The following WDPCP variants were observed in gnomAD, a reference collection of about 807,000 sequenced individuals.
The protein encoded by WDPCP is WD repeat-containing and planar cell polarity effector protein fritz homolog.
A neutral mutation model predicts 93.1 loss-of-function variants in WDPCP; 71 were observed. The observed-to-expected ratio is 0.76, with a 90% CI of 0.63 to 0.93. WDPCP has a LOEUF of 0.93. Among genes scored for constraint, WDPCP ranks in the 40% least tolerant of loss-of-function variants. The probability of loss-of-function intolerance (pLI) is 0.00; values close to 1 mark genes in which losing one functional copy is unlikely to be tolerated. For synonymous variants in WDPCP, 315 were observed against 315.0 expected (o/e 1.00, Z 0.00); for missense variants, 844 against 887.4 (o/e 0.95, Z 0.62).
At chr2:63,582,036 T>G (rs1708532640) in intron 1 of WDPCP, among the ~76,000 whole-genome samples, 1 of 151,186 alleles carries the variant, frequency 6.6e-6, no homozygotes, top group African/African-American at 2.4e-5. Context: ...AATCTGACAT[T>G]TAATAAAAAA....
At chr2:63,460,970 T>C (rs1698969590) in intron 6 of WDPCP, among the ~76,000 whole-genome samples, 1 of 152,136 alleles carries the variant, frequency 6.6e-6, no homozygotes. Context: ...CATGATGTTC[T>C]AAAACCACAA....
At chr2:63,371,508 T>C (rs898869336) in intron 12 of WDPCP, among the ~76,000 whole-genome samples, 2 of 152,168 alleles carry the variant, frequency 1.3e-5, no homozygotes, top group African/African-American at 4.8e-5. Context: ...TACAAAGTCC[T>C]GTATGACCTG....
chr2:63,815,491 T>G (rs1168749491), intron 1 of WDPCP, among the ~76,000 whole-genome samples: 1 of 152,240 alleles, frequency 6.6e-6, no homozygotes, highest in Non-Finnish European at 1.5e-5. Context: ...GAAACACTTG[T>G]AAGATTAAGA....
At chr2:63,425,560 C>A (rs1007188415) in intron 9 of WDPCP, among the ~76,000 whole-genome samples, 37 of 152,264 alleles carry the variant, frequency 2.4e-4, no homozygotes, top group African/African-American at 8.2e-4. Context: ...CTGAAAAATT[C>A]ACTACAAGAA....
At chr2:63,343,589 C>G (rs1203950598) in intron 12 of WDPCP, among the ~76,000 whole-genome samples, 1 of 152,134 alleles carries the variant, frequency 6.6e-6, no homozygotes, top group East Asian at 1.9e-4. Flanking sequence ...TGTCTTCAAT[C>G]AAATTTGGGA....
intron 1 of WDPCP, among the ~76,000 whole-genome samples, chr2:63,556,446 T>G (rs1233781563): frequency 6.6e-6 from 1 of 152,180 alleles, no homozygotes; most frequent in Non-Finnish European, 1.5e-5. Flanking sequence ...TCCAGGAGAA[T>G]GTCCCCAAAC....
At chr2:63,543,085 A>G (rs1704866815) in intron 1 of WDPCP, among the ~76,000 whole-genome samples, 1 of 152,156 alleles carries the variant, frequency 6.6e-6, no homozygotes, top group Non-Finnish European at 1.5e-5. Context: ...ATAAATCTAG[A>G]TTTCCAAAAA....
chr2:63,616,102 A>AT, intron 3 of WDPCP, among the ~76,000 whole-genome samples: 1 of 152,216 alleles, frequency 6.6e-6, no homozygotes, highest in African/African-American at 2.4e-5. Context: ...AACATACTAT[A>AT]AATAACACAC....
intron 2 of WDPCP, among the ~76,000 whole-genome samples, chr2:63,665,627 C>A (rs1383647134): frequency 8.5e-5 from 13 of 152,094 alleles, no homozygotes; most frequent in African/African-American, 3.1e-4. Context: ...TGGTCAACTG[C>A]ACAAATGTGA....
intron 15 of WDPCP, among the ~76,000 whole-genome samples, chr2:63,168,253 T>G (rs1004966215): frequency 6.6e-6 from 1 of 152,136 alleles, no homozygotes; most frequent in Non-Finnish European, 1.5e-5. Flanking sequence ...AAGTGTTTTA[T>G]CTATGTGAAA....
chr2:63,698,427 A>C (rs1668992631), intron 2 of WDPCP, among the ~76,000 whole-genome samples: 1 of 152,190 alleles, frequency 6.6e-6, no homozygotes, highest in Non-Finnish European at 1.5e-5. Context: ...AAACTCATTA[A>C]TGCGTAAACT....
intron 13 of WDPCP, among the ~76,000 whole-genome samples, chr2:63,271,791 C>T (rs1398637508): frequency 1.3e-5 from 2 of 152,136 alleles, no homozygotes; most frequent in Non-Finnish European, 2.9e-5. Flanking sequence ...AGCATGACAT[C>T]AGGCCCACCC....
intron 3 of WDPCP, among the ~76,000 whole-genome samples, chr2:63,627,667 G>A (rs1709823742): frequency 1.3e-5 from 2 of 152,172 alleles, no homozygotes; most frequent in South Asian, 4.1e-4. Flanking sequence ...CTTGACAGTG[G>A]GACTTCGGAG....
chr2:63,402,757 T>C (rs1261286065), intron 10 of WDPCP, among the ~76,000 whole-genome samples: 3 of 152,114 alleles, frequency 2.0e-5, no homozygotes, highest in Non-Finnish European at 2.9e-5. Context: ...GAATGGCTAT[T>C]ATTAAAAAGT....
chr2:63,361,583 G>A (rs922042092), intron 12 of WDPCP, among the ~76,000 whole-genome samples: 3 of 152,190 alleles, frequency 2.0e-5, no homozygotes, highest in African/African-American at 7.2e-5. Flanking sequence ...AGCCAGTTAA[G>A]TCTAGTGCCA....
At chr2:63,447,110 G>T (rs185105192) in intron 6 of WDPCP, among the ~76,000 whole-genome samples, 1 of 150,128 alleles carries the variant, frequency 6.7e-6, no homozygotes, top group East Asian at 2.0e-4. Flanking sequence ...TGTTGAAGGT[G>T]GGGGGAGGCA....
At chr2:63,827,202 C>T (rs551953496) in intron 1 of WDPCP, among the ~76,000 whole-genome samples, 6 of 152,234 alleles carry the variant, frequency 3.9e-5, no homozygotes, top group African/African-American at 1.4e-4. Flanking sequence ...TCCCCTGTTA[C>T]CCCTGTTACT....
At chr2:63,484,831 T>C (rs1180152368) in intron 5 of WDPCP, 86 bp downstream of exon 5, 2 of 1,519,482 alleles carry the variant, frequency 1.3e-6, no homozygotes, top group African/African-American at 2.8e-5. Flanking sequence ...CCATGAGAGT[T>C]GATCCTTTAT....
chr2:63,511,342 A>G (rs1702219094), intron 1 of WDPCP, among the ~76,000 whole-genome samples: 1 of 152,240 alleles, frequency 6.6e-6, no homozygotes, highest in Admixed American at 6.5e-5. Flanking sequence ...TATAGATTCA[A>G]TGGTATTCCC....
Sources: gnomAD v4.1 joint callset for allele counts (sites outside exome capture counted in the v4.1 genomes callset) on GRCh38, gnomAD v4.1.1 for gene constraint, MANE v1.5 for transcripts, NCBI Gene and HGNC (gene_info 2026-07-23, HGNC 2026-07-21) for gene names.